The following HRH1 variants were observed in gnomAD, a reference collection of about 807,000 sequenced individuals.
HRH1 encodes histamine receptor H1.
Under a neutral mutation model 10.3 loss-of-function variants are expected in HRH1, and 6 were observed. The ratio of observed to expected loss-of-function variants is 0.58; its 90% CI spans 0.32 to 1.15. HRH1 has a LOEUF of 1.15. HRH1 is among the 50% of genes most tolerant of loss of function. The probability of loss-of-function intolerance (pLI) is 0.05; values close to 1 mark genes in which losing one functional copy is unlikely to be tolerated. For synonymous variants in HRH1, 242 were observed against 236.7 expected (o/e 1.02, Z -0.21); for missense variants, 514 against 615.3 (o/e 0.84, Z 1.74).
chr3:11,230,698 CT>C (rs1341315630), intron 1 of HRH1, among the ~76,000 whole-genome samples: 1 of 152,204 alleles, frequency 6.6e-6, no homozygotes, highest in Non-Finnish European at 1.5e-5. Context: ...GCCTAGACCA[CT>C]GATTTGTTTA....
At position 11,181,917 on chromosome 3, in the gene HRH1, C is replaced by T. The variant is rs555279100; in HGVS notation, c.-36+27363C>T. On this transcript the variant is annotated intron_variant, in intron 1 of 1. Transcript: ENST00000431010. ...AAGTGCTGGGATTACAGGCATGAGC[C>T]ACCACGCCTGGCCCCCTTGCTCATT... is the stretch of plus-strand genomic sequence containing the variant. Among the ~76,000 whole-genome samples, 6 of 152,186 alleles carry T rather than the reference C, an allele frequency of 3.9e-5. No homozygotes were observed. The East Asian group carries it at 1.2e-3, about 29-fold the overall frequency.
chr3:11,241,604 CG>C lies in HRH1; in HGVS notation c.-35-17396del, dbSNP rs576412694. ...ATCCCAGCACTTTGGCAGGCCGAGGCGGGTGGATCACGAGGTCAGGAGATCG... is the reference window on the plus strand; with the variant it reads ...ATCCCAGCACTTTGGCAGGCCGAGGCGGTGGATCACGAGGTCAGGAGATCG... On this transcript the variant is annotated intron_variant, in intron 1 of 1. Transcript: ENST00000431010. Among the ~76,000 whole-genome samples the C allele has an allele frequency of 5.6e-3, 853 of 152,102 alleles. 7 individuals are homozygous for C. The highest frequency in any genetic ancestry group is 0.02 in the African/African-American group (810 of 41,492).
intron 1 of HRH1, among the ~76,000 whole-genome samples, chr3:11,194,776 T>C (rs1575001196): frequency 6.6e-6 from 1 of 152,248 alleles, no homozygotes; most frequent in Admixed American, 6.5e-5. Context: ...GATTGTGTCA[T>C]TGCACTCCAG....
chr3:11,241,197 C>T (rs1232064356), intron 1 of HRH1, among the ~76,000 whole-genome samples: 1 of 152,068 alleles, frequency 6.6e-6, no homozygotes, highest in East Asian at 1.9e-4. Flanking sequence ...CAGAGAAAAC[C>T]ATGGTTGATG....
At chr3:11,181,481 T>C (rs1351720591) in intron 1 of HRH1, among the ~76,000 whole-genome samples, 1 of 151,658 alleles carries the variant, frequency 6.6e-6, no homozygotes, top group Non-Finnish European at 1.5e-5. Flanking sequence ...TTGTCTTTTT[T>C]ATTTTAACGA....
At chr3:11,180,068 T>C (rs1937324002) in intron 1 of HRH1, among the ~76,000 whole-genome samples, 1 of 152,202 alleles carries the variant, frequency 6.6e-6, no homozygotes. Context: ...CGGCCCTCTT[T>C]TGTGTTTTAA....
intron 1 of HRH1, among the ~76,000 whole-genome samples, chr3:11,242,623 A>C (rs1939380379): frequency 6.6e-6 from 1 of 152,106 alleles, no homozygotes; most frequent in African/African-American, 2.4e-5. Context: ...TTTAGTTCCC[A>C]AATGCCAGCT....
chr3:11,167,817 G>C (rs1306309913), intron 1 of HRH1, among the ~76,000 whole-genome samples: 1 of 152,248 alleles, frequency 6.6e-6, no homozygotes, highest in African/African-American at 2.4e-5. Context: ...TCTCCTGAGA[G>C]GGAGGCTTGG....
intron 1 of HRH1, among the ~76,000 whole-genome samples, chr3:11,174,607 C>T (rs1574988690): frequency 6.6e-6 from 1 of 152,328 alleles, no homozygotes; most frequent in East Asian, 1.9e-4. Context: ...TAGAAAAAAA[C>T]AAATTCCCAA....
chr3:11,156,715 T>A (rs925208420), intron 1 of HRH1, among the ~76,000 whole-genome samples: 1 of 152,226 alleles, frequency 6.6e-6, no homozygotes, highest in Non-Finnish European at 1.5e-5. Context: ...GGTGTGTTCA[T>A]GTGCATAAAG....
At chr3:11,254,438 C>T (rs1251259156) in intron 1 of HRH1, among the ~76,000 whole-genome samples, 2 of 152,212 alleles carry the variant, frequency 1.3e-5, no homozygotes, top group Admixed American at 6.5e-5. Flanking sequence ...GTGTGTCTTA[C>T]TCACACACTT....
intron 1 of HRH1, among the ~76,000 whole-genome samples, chr3:11,255,651 A>G (rs764614105): frequency 1.1e-4 from 16 of 152,210 alleles, no homozygotes; most frequent in Non-Finnish European, 2.1e-4. Context: ...ACATCAATCA[A>G]TATATGCAAG....
intron 1 of HRH1, among the ~76,000 whole-genome samples, chr3:11,165,005 C>T (rs530087614): frequency 1.2e-4 from 18 of 152,298 alleles, no homozygotes; most frequent in Non-Finnish European, 1.6e-4. Context: ...GGGACAGACA[C>T]GGCTGCTGCC....
At chr3:11,200,865 C>T (rs1202706391) in intron 1 of HRH1, among the ~76,000 whole-genome samples, 1 of 152,200 alleles carries the variant, frequency 6.6e-6, no homozygotes, top group African/African-American at 2.4e-5. Context: ...CTCAAAAAAA[C>T]TCCATGACTT....
intron 1 of HRH1, among the ~76,000 whole-genome samples, chr3:11,195,358 C>G (rs1937621685): frequency 2.6e-5 from 4 of 152,202 alleles, no homozygotes. Flanking sequence ...CCATAAACAG[C>G]TGTGCCTGGG....
chr3:11,147,049 T>C (rs1446864138), intron 1 of HRH1, among the ~76,000 whole-genome samples: 3 of 152,208 alleles, frequency 2.0e-5, no homozygotes, highest in Non-Finnish European at 4.4e-5. Context: ...TCGCGTGTGA[T>C]GGAAGATCTT....
At chr3:11,148,598 C>A (rs1006288156) in intron 1 of HRH1, among the ~76,000 whole-genome samples, 1 of 151,850 alleles carries the variant, frequency 6.6e-6, no homozygotes, top group African/African-American at 2.4e-5. Context: ...AAGCTCCAGG[C>A]ATTACATCTA....
chr3:11,197,397 G>A (rs1191828642), intron 1 of HRH1, among the ~76,000 whole-genome samples: 1 of 152,174 alleles, frequency 6.6e-6, no homozygotes, highest in East Asian at 1.9e-4. Context: ...CTGGTACAGG[G>A]CCTGGCATCT....
intron 1 of HRH1, among the ~76,000 whole-genome samples, chr3:11,245,934 C>G (rs1214872467): frequency 6.6e-6 from 1 of 151,932 alleles, no homozygotes; most frequent in Non-Finnish European, 1.5e-5. Flanking sequence ...CTCACACATA[C>G]ACACTCACAC....
Sources: allele counts gnomAD v4.1 joint callset (sites outside exome capture counted in the v4.1 genomes callset), GRCh38; gene constraint gnomAD v4.1.1; transcripts MANE v1.5; gene names NCBI Gene and HGNC (gene_info 2026-07-23, HGNC 2026-07-21).